MARCHF1: variants seen among roughly 807,000 people sequenced by gnomAD.
MARCHF1 encodes membrane associated ring-CH-type finger 1, also known as E3 ubiquitin-protein ligase MARCHF1.
Under a neutral mutation model 54.2 loss-of-function variants are expected in MARCHF1, and 40 were observed. That is an observed-to-expected ratio of 0.74 (90% CI 0.57 to 0.96). The LOEUF (loss-of-function observed/expected upper bound fraction) is 0.96, where lower values mean the gene tolerates loss of function less well. Ranked by LOEUF, MARCHF1 falls within the 40% of genes least tolerant of loss-of-function variation. The probability of loss-of-function intolerance (pLI) is 0.00; values close to 1 mark genes in which losing one functional copy is unlikely to be tolerated. For missense variants in MARCHF1, 586 were observed against 656.5 expected (o/e 0.89, Z 1.17); for synonymous variants, 236 against 236.3 (o/e 1.00, Z 0.01).
At chr4:163,713,857 T>G (rs1745181379) in intron 4 of MARCHF1, among the ~76,000 whole-genome samples, 1 of 152,172 alleles carries the variant, frequency 6.6e-6, no homozygotes, top group East Asian at 1.9e-4. Context: ...CTTGGTCACT[T>G]CTCGAAAAGT....
chr4:164,265,351 T>C (rs536072868), intron 1 of MARCHF1, among the ~76,000 whole-genome samples: 1 of 152,270 alleles, frequency 6.6e-6, no homozygotes, highest in South Asian at 2.1e-4. Flanking sequence ...ATTTATAAAA[T>C]ACTGAGATTA....
intron 2 of MARCHF1, among the ~76,000 whole-genome samples, chr4:164,031,842 T>G (rs1753884080): frequency 6.6e-6 from 1 of 152,198 alleles, no homozygotes; most frequent in Non-Finnish European, 1.5e-5. Flanking sequence ...GATGCTGGCC[T>G]CATAAAATGA....
intron 3 of MARCHF1, among the ~76,000 whole-genome samples, chr4:163,887,071 G>A (rs1750554386): frequency 6.6e-6 from 1 of 151,944 alleles, no homozygotes; most frequent in Non-Finnish European, 1.5e-5. Flanking sequence ...TTTATTGAAT[G>A]GAATTATCAA....
chr4:164,064,486 T>C (rs1754686422), intron 2 of MARCHF1, among the ~76,000 whole-genome samples: 1 of 152,200 alleles, frequency 6.6e-6, no homozygotes, highest in South Asian at 2.1e-4. Context: ...CTAGTGATTT[T>C]TGCATGTCGA....
intron 7 of MARCHF1, among the ~76,000 whole-genome samples, chr4:163,597,467 A>T (rs1457707532): frequency 6.6e-6 from 1 of 152,198 alleles, no homozygotes; most frequent in Non-Finnish European, 1.5e-5. Flanking sequence ...TCATTGAGAG[A>T]TATAACTCAA....
chr4:164,204,117 A>C (rs1013095361), intron 1 of MARCHF1, among the ~76,000 whole-genome samples: 18 of 152,096 alleles, frequency 1.2e-4, no homozygotes, highest in Non-Finnish European at 2.4e-4. Context: ...AACAGGCTTG[A>C]TTATGTTTCT....
At chr4:164,218,850 T>TA (rs556382090) in intron 1 of MARCHF1, among the ~76,000 whole-genome samples, 2,730 of 131,804 alleles carry the variant, frequency 0.021, 80 homozygotes, top group East Asian at 0.13. Context: ...AAAGTATAAT[T>TA]AAAAAAAAAA....
intron 4 of MARCHF1, among the ~76,000 whole-genome samples, chr4:163,764,449 G>GTTGC (rs1349723319): frequency 2.0e-5 from 3 of 152,032 alleles, no homozygotes; most frequent in African/African-American, 7.2e-5. Flanking sequence ...AATGTGTAAG[G>GTTGC]TTGCTAGATT....
intron 4 of MARCHF1, among the ~76,000 whole-genome samples, chr4:163,847,044 G>A (rs553732510): frequency 2.4e-4 from 37 of 152,216 alleles, no homozygotes; most frequent in African/African-American, 4.1e-4. Context: ...GCTTTCATCC[G>A]TACTATTGAA....
chr4:164,063,754 C>T (rs1037195643), intron 2 of MARCHF1, among the ~76,000 whole-genome samples: 4 of 151,968 alleles, frequency 2.6e-5, no homozygotes, highest in Non-Finnish European at 4.4e-5. Flanking sequence ...ATTCTATATA[C>T]GAGTATAGTC....
chr4:164,015,903 A>C lies in MARCHF1; in HGVS notation c.-247-27194T>G, dbSNP rs534469518. On this transcript the variant is annotated intron_variant, in intron 2 of 9. Coordinates refer to ENST00000514618, the MANE Select transcript of MARCHF1 (RefSeq NM_001394959.1). ...TGGAAAACAGTATAAGTTTCCCCAA[A>C]AAAAAAAAAAACTAAAAACAGAACT... 3.9e-3 allele frequency among the ~76,000 whole-genome samples: 571 copies of C among 146,868 alleles called. 3 individuals carry two copies. Among genetic ancestry groups the C allele is most frequent in the African/African-American group, 0.012 (462 of 37,132 alleles).
At chr4:163,614,405 C>T (rs1741447670) in intron 5 of MARCHF1, among the ~76,000 whole-genome samples, 2 of 152,092 alleles carry the variant, frequency 1.3e-5, no homozygotes, top group South Asian at 4.1e-4. Flanking sequence ...ACGCTGAGAT[C>T]TGGACCAGGT....
intron 4 of MARCHF1, among the ~76,000 whole-genome samples, chr4:163,840,529 G>C (rs1434695543): frequency 6.6e-6 from 1 of 152,008 alleles, no homozygotes; most frequent in East Asian, 1.9e-4. Flanking sequence ...AACCTGATTT[G>C]AAGAAAACGT....
chr4:164,336,170 T>C (rs1729734441), intron 1 of MARCHF1, among the ~76,000 whole-genome samples: 2 of 152,126 alleles, frequency 1.3e-5, no homozygotes, highest in African/African-American at 2.4e-5. Context: ...TGCTTCTTGA[T>C]AGATGAGAGA....
At chr4:163,830,739 C>T (rs1748995782) in intron 4 of MARCHF1, among the ~76,000 whole-genome samples, 1 of 151,816 alleles carries the variant, frequency 6.6e-6, no homozygotes, top group South Asian at 2.1e-4. Flanking sequence ...AGAGTGACAC[C>T]CCAGTCTCTA....
At chr4:163,930,013 T>A (rs1178418604) in intron 3 of MARCHF1, among the ~76,000 whole-genome samples, 3 of 135,274 alleles carry the variant, frequency 2.2e-5, no homozygotes, top group African/African-American at 8.3e-5. Context: ...TATAAATATA[T>A]TATATATACT....
intron 5 of MARCHF1, among the ~76,000 whole-genome samples, chr4:163,659,815 G>C (rs1743281776): frequency 6.6e-6 from 1 of 152,052 alleles, no homozygotes; most frequent in South Asian, 2.1e-4. Context: ...ACCATCACTG[G>C]TCATTTGAGA....
intron 2 of MARCHF1, among the ~76,000 whole-genome samples, chr4:164,015,538 G>A (rs982388231): frequency 6.6e-6 from 1 of 152,142 alleles, no homozygotes; most frequent in Non-Finnish European, 1.5e-5. Flanking sequence ...ATGTGAGAAA[G>A]TGTTTGTAAA....
chr4:164,188,990 G>A, intron 1 of MARCHF1: 2 of 712,466 alleles, frequency 2.8e-6, no homozygotes, highest in Non-Finnish European at 5.2e-6. Flanking sequence ...GCCTATGGCA[G>A]CTGCTATTGG....
Sources: gnomAD v4.1 joint callset for allele counts (sites outside exome capture counted in the v4.1 genomes callset) on GRCh38, gnomAD v4.1.1 for gene constraint, MANE v1.5 for transcripts, NCBI Gene and HGNC (gene_info 2026-07-23, HGNC 2026-07-21) for gene names.